SNAPC4: variants seen among roughly 807,000 people sequenced by gnomAD.
SNAPC4 encodes snRNA-activating protein complex subunit 4.
Under a neutral mutation model 151.3 loss-of-function variants are expected in SNAPC4, and 127 were observed. The ratio of observed to expected loss-of-function variants is 0.84; its 90% CI spans 0.73 to 0.97. The LOEUF is 0.97. SNAPC4 is among the 50% of genes least tolerant of loss of function. The pLI is 0.00. For synonymous variants in SNAPC4, 1,002 were observed against 824.4 expected, an observed-to-expected ratio of 1.22 and a Z score of -3.69; for missense variants, 2,186 against 1,935.0, an observed-to-expected ratio of 1.13 and a Z score of -2.43.
chr9:136,395,735 C>T lies in SNAPC4; in HGVS notation c.213G>A (p.Glu71=). 2 of 1,613,380 alleles carry T rather than the reference C, an allele frequency of 1.2e-6. No homozygotes were observed. The highest frequency in any genetic ancestry group is 1.7e-6 in the Non-Finnish European group (2 of 1,179,844). Residue 71 remains glutamate, a synonymous_variant, in exon 4 of 24, where the codon GAG becomes GAA. Transcript: ENST00000684778. The part of the protein sequence containing the change: ...EERWGEASND[E]DDPKDKTLPE... The stretch of plus-strand genomic sequence containing the variant: ...GGAGGGTTTTATCCTTGGGATCGTC[C>T]TCGTCATTGCTGGCTTCGCCCCACC...
chr9:136,379,304 G>A lies in SNAPC4; in HGVS notation c.2528-5C>T. ...GCACGTTTGGGAAGAGGTGGCCTGT[G>A]GGGAGGAAAGACCCACACTTGATAA... is the stretch of plus-strand genomic sequence containing the variant. On this transcript the variant is annotated splice_region_variant and splice_polypyrimidine_tract_variant and intron_variant, in intron 21 of 23. Transcript: ENST00000684778. 2.5e-6 allele frequency: 4 copies of A among 1,612,230 alleles called. No individual in the cohort carries two copies. The highest frequency in any genetic ancestry group is 1.1e-5 in the South Asian group (1 of 91,030).
intron 16 of SNAPC4, 67 bp from the exon 17 acceptor site, chr9:136,382,403 C>G: frequency 7.5e-7 from 1 of 1,331,144 alleles, no homozygotes; most frequent in Non-Finnish European, 1.1e-6. Context: ...CCTCCCCTCG[C>G]TGCCCACACA....
intron 22 of SNAPC4, among the ~76,000 whole-genome samples, chr9:136,377,133 C>T (rs1333640334): frequency 6.6e-6 from 1 of 150,656 alleles, no homozygotes; most frequent in East Asian, 2.0e-4. Flanking sequence ...TTTGGGACCC[C>T]AGAAATCCAG....
At chr9:136,390,887 T>C (rs1185290031) in intron 10 of SNAPC4, among the ~76,000 whole-genome samples, 4 of 151,288 alleles carry the variant, frequency 2.6e-5, no homozygotes, top group Admixed American at 6.6e-5. Context: ...CAGGCTGGAG[T>C]GCAGTGGCGC....
At chr9:136,381,495 C>A in intron 18 of SNAPC4, 103 bp from the exon 19 acceptor site, 1 of 1,095,360 alleles carries the variant, frequency 9.1e-7, no homozygotes, top group South Asian at 1.3e-5. Flanking sequence ...CGAGGCGGCT[C>A]TGGGAGCCAG....
At chr9:136,385,960 A>C (rs1023528441) in intron 13 of SNAPC4, among the ~76,000 whole-genome samples, 4 of 152,084 alleles carry the variant, frequency 2.6e-5, no homozygotes, top group Non-Finnish European at 5.9e-5. Context: ...CTTGTGAATG[A>C]TGCTGCTGTG....
At position 136,383,145 on chromosome 9, in the gene SNAPC4, G is replaced by GAA. The variant is rs765922677; in HGVS notation, c.1983+39_1983+40dup. ...GCGTCAGCCCTGGCGAGCGAGTGCC[G>GAA]AAAGTGCACTTCCCGTGGTACACCC... On this transcript the variant is annotated intron_variant, in intron 16 of 23. Coordinates refer to ENST00000684778, the MANE Select transcript of SNAPC4 (RefSeq NM_003086.4). This position sits in a 1 kb window ranked among gnomAD's most constrained non-coding sequence, Gnocchi z 4.2. 6.0e-6 allele frequency: 9 copies of GAA among 1,509,020 alleles called. No homozygotes were observed. Among genetic ancestry groups the GAA allele is most frequent in the Non-Finnish European group, 7.1e-6 (8 of 1,130,394 alleles). 93.5% of individuals were successfully genotyped at this position (1,509,020 alleles called of 1,614,324 possible).
rs777268396 is a variant in SNAPC4, at chr9:136,383,211, G to A, written c.1958C>T (p.Ala653Val). ...CTCCAGGGCCTGCTTCTCTGCGCCC[G>A]CCGGGCGAGTGTCTGCTGAGTGGGA... Reference protein sequence around the residue: ...QASHSADTRPAGAEKQALEGG... With the variant: ...QASHSADTRPVGAEKQALEGG... Residue 653 changes from alanine (A) to valine (V), a missense_variant, in exon 16 of 24, where the codon GCG becomes GTG. Physicochemically the swap from Ala to Val is moderately conservative, Grantham distance 64. Transcript: ENST00000684778. This position sits in a 1 kb window ranked among gnomAD's most constrained non-coding sequence, Gnocchi z 4.2. 21 of 1,552,640 alleles carry A rather than the reference G, an allele frequency of 1.4e-5. No individual in the cohort carries two copies. The highest frequency in any genetic ancestry group is 1.7e-4 in the Middle Eastern group (1 of 5,794).
chr9:136,392,428 G>A (rs1429397065), intron 9 of SNAPC4, 94 bp downstream of exon 9: 91 of 1,221,930 alleles, frequency 7.4e-5, no homozygotes, highest in Non-Finnish European at 1.1e-4. Flanking sequence ...TGTTGCCAGG[G>A]AGGGTGTGGC....
rs182356747 is a variant in SNAPC4 at position 136,378,709 on chromosome 9, C to T, written c.3118G>A (p.Ala1040Thr). The change falls in exon 22 of 24, where the codon GCG (alanine) becomes ACG (threonine). Residue 1040 changes from alanine (A) to threonine (T), a missense_variant. Physicochemically the swap from Ala to Thr is moderately conservative, Grantham distance 58. Transcript: ENST00000684778. Reference protein sequence around the residue: ...AASRKQGLPEAPPFLPAAPSP... With the variant: ...AASRKQGLPETPPFLPAAPSP... ...GGGGCTGCGGGGAGAAAGGGTGGCG[C>T]CTCAGGCAGGCCCTGCTTCCGGGAT... 8.5e-4 allele frequency: 1,267 copies of T among 1,499,024 alleles called. 1 individual carries two copies. Among genetic ancestry groups the T allele is most frequent in the Admixed American group, 1.2e-3 (52 of 43,908 alleles). 92.9% of individuals were successfully genotyped at this position (1,499,024 alleles called of 1,614,324 possible). A position where few individuals can be genotyped will look rare whatever the true frequency, so the allele number is the denominator to read the frequency against.
At position 136,383,312 on chromosome 9, in the gene SNAPC4, C is replaced by T. The variant is rs914064402; in HGVS notation, c.1857G>A (p.Ala619=). ...CCGGACTCGTCTCCTCTCCAGGAGC[C>T]GCGGCTGTGGTGGAAGCTTCCTTGC... The part of the protein sequence containing the change: ...GGSKEASTTA[A]APGEETSPVQ... The change falls in exon 16 of 24, where the codon GCG becomes GCA. Residue 619 remains alanine, a synonymous_variant. Coordinates refer to ENST00000684778, the MANE Select transcript of SNAPC4 (RefSeq NM_003086.4). The surrounding 1 kb of genome is among the most constrained non-coding windows in gnomAD (Gnocchi z 4.2). The T allele has an allele frequency of 1.1e-5, 18 of 1,611,814 alleles. No homozygotes were observed. In the African/African-American group the frequency reaches 1.2e-4, roughly 11 times the overall value.
At chr9:136,391,085 C>T (rs866909259) in intron 10 of SNAPC4, among the ~76,000 whole-genome samples, 8 of 152,216 alleles carry the variant, frequency 5.3e-5, no homozygotes, top group South Asian at 2.1e-4. Context: ...CCGCCAGCCT[C>T]GGCCTCCCAA....
At chr9:136,389,011 T>C (rs1039789504) in intron 10 of SNAPC4, among the ~76,000 whole-genome samples, 1 of 152,170 alleles carries the variant, frequency 6.6e-6, no homozygotes, top group East Asian at 1.9e-4. Flanking sequence ...CTCTAGAGTA[T>C]CTCTCAGCTA....
At chr9:136,385,170 A>C (rs2131480433) in intron 13 of SNAPC4, among the ~76,000 whole-genome samples, 1 of 152,364 alleles carries the variant, frequency 6.6e-6, no homozygotes, top group Middle Eastern at 3.4e-3. Context: ...TTCTATGAAC[A>C]GTCACCAACC....
rs1383985787 is a variant in SNAPC4, at chr9:136,392,112, C to G, written c.811-6G>C. On this transcript the variant is annotated splice_polypyrimidine_tract_variant and splice_region_variant and intron_variant, in intron 9 of 23. Coordinates refer to ENST00000684778, the MANE Select transcript of SNAPC4 (RefSeq NM_003086.4). ...GCACTGCGGCTGCCTTCAAACTGCA[C>G]CGACAGAGACACTCAGCCTTGCAGG... The G allele has an allele frequency of 6.2e-7, 1 of 1,611,234 alleles. No homozygotes were observed. The highest frequency in any genetic ancestry group is 2.2e-5 in the East Asian group (1 of 44,878).
intron 7 of SNAPC4, among the ~76,000 whole-genome samples, chr9:136,393,160 A>C (rs1834140737): frequency 6.6e-6 from 1 of 151,416 alleles, no homozygotes; most frequent in Admixed American, 6.6e-5. Flanking sequence ...GTAAAGAACC[A>C]CTCCCCAGAG....
rs1290399275 is a variant in SNAPC4 at position 136,378,616 on chromosome 9, T to C, written c.3211A>G (p.Ser1071Gly). Residue 1071 changes from serine (S) to glycine (G), a missense_variant, in exon 22 of 24, where the codon AGT becomes GGT. By Grantham distance (56) the Ser-to-Gly change is moderately conservative. Coordinates refer to ENST00000684778, the MANE Select transcript of SNAPC4 (RefSeq NM_003086.4). The part of the protein sequence containing the change: ...THIGGPHVAT[S>G]VPLPVTWVLT... ...ACCCAGGTGACAGGCAGGGGGACAC[T>C]GGTCGCCACATGTGGCCCTCCTATG... 6.4e-7 allele frequency: 1 copy of C among 1,564,864 alleles called. No individual in the cohort carries two copies. Among genetic ancestry groups the C allele is most frequent in the Admixed American group, 1.9e-5 (1 of 52,958 alleles).
chr9:136,391,912 TG>T (rs2131502733), intron 10 of SNAPC4, 29 bp downstream of exon 10: 3 of 1,593,294 alleles, frequency 1.9e-6, no homozygotes, highest in Non-Finnish European at 2.6e-6. Context: ...TCAGGTCTCC[TG>T]GCCCCTGGGG....
chr9:136,376,125 G>A (rs1195168493), intron 23 of SNAPC4, among the ~76,000 whole-genome samples: 2 of 152,242 alleles, frequency 1.3e-5, no homozygotes, highest in Non-Finnish European at 2.9e-5. Context: ...CCTATGGTCA[G>A]GGGCACAGTG....
Sources: gnomAD v4.1 joint callset for allele counts (sites outside exome capture counted in the v4.1 genomes callset) on GRCh38, gnomAD v4.1.1 for gene constraint, Gnocchi (gnomAD v3.1) non-coding constraint, MANE v1.5 for transcripts, NCBI Gene and HGNC (gene_info 2026-07-23, HGNC 2026-07-21) for gene names.